NME7: variants seen among roughly 807,000 people sequenced by gnomAD.
NME7 encodes the protein nucleoside diphosphate kinase 7.
Under a neutral mutation model 49.1 loss-of-function variants are expected in NME7, and 41 were observed. The observed-to-expected ratio is 0.83, with a 90% CI of 0.65 to 1.08. NME7 has a LOEUF of 1.08. NME7 is among the 50% of genes least tolerant of loss of function. The pLI, the probability that NME7 is intolerant of heterozygous loss-of-function variation, is 0.00. For synonymous variants in NME7, 139 were observed against 150.6 expected, an observed-to-expected ratio of 0.92 and a Z score of 0.56; for missense variants, 423 against 463.4, an observed-to-expected ratio of 0.91 and a Z score of 0.80.
chr1:169,306,666 A>C (rs931831892), intron 4 of NME7, among the ~76,000 whole-genome samples: 2 of 152,166 alleles, frequency 1.3e-5, no homozygotes, highest in African/African-American at 4.8e-5. Flanking sequence ...TCTATAAGTA[A>C]GTGGTAGGTG....
chr1:169,271,377 G>A (rs1202850672), intron 7 of NME7, among the ~76,000 whole-genome samples: 1 of 133,592 alleles, frequency 7.5e-6, no homozygotes, highest in African/African-American at 2.5e-5. Flanking sequence ...CCCTTTCACA[G>A]TACTCCCTCT....
At chr1:169,215,907 T>G (rs377569637) in intron 10 of NME7, among the ~76,000 whole-genome samples, 66 of 152,248 alleles carry the variant, frequency 4.3e-4, no homozygotes, top group African/African-American at 1.5e-3. Context: ...GTCAAATTCA[T>G]AGAAATTGAG....
intron 10 of NME7, among the ~76,000 whole-genome samples, chr1:169,172,013 A>C (rs1659610948): frequency 6.6e-6 from 1 of 152,044 alleles, no homozygotes; most frequent in Non-Finnish European, 1.5e-5. Context: ...TAAAAGTATC[A>C]ACTGCCTTCT....
At chr1:169,342,095 T>C (rs1652728397) in intron 1 of NME7, among the ~76,000 whole-genome samples, 1 of 152,126 alleles carries the variant, frequency 6.6e-6, no homozygotes, top group Non-Finnish European at 1.5e-5. Context: ...AGGGGTGGAA[T>C]AATATGGTTT....
chr1:169,366,524 A>T (rs767259072), intron 1 of NME7, among the ~76,000 whole-genome samples: 16 of 152,210 alleles, frequency 1.1e-4, no homozygotes, highest in African/African-American at 1.7e-4. Context: ...ACTGGAGAGG[A>T]AAAGGCTGAA....
At chr1:169,167,403 A>C (rs1359648609) in intron 11 of NME7, among the ~76,000 whole-genome samples, 1 of 152,150 alleles carries the variant, frequency 6.6e-6, no homozygotes, top group Non-Finnish European at 1.5e-5. Context: ...TACTCATTAA[A>C]ATAAATGTGT....
chr1:169,342,311 T>C (rs999836837), intron 1 of NME7, among the ~76,000 whole-genome samples: 4 of 151,948 alleles, frequency 2.6e-5, no homozygotes, highest in East Asian at 3.9e-4. Context: ...GTGAAAAAGA[T>C]GCCTGCTTCC....
At chr1:169,148,040 T>C (rs1658809812) in intron 11 of NME7, among the ~76,000 whole-genome samples, 1 of 152,176 alleles carries the variant, frequency 6.6e-6, no homozygotes, top group South Asian at 2.1e-4. Context: ...TCTCGCTCTG[T>C]TGCCCAGGCT....
chr1:169,235,511 C>T (rs1647822200), intron 8 of NME7, among the ~76,000 whole-genome samples: 4 of 152,052 alleles, frequency 2.6e-5, no homozygotes, highest in Admixed American at 2.6e-4. Flanking sequence ...CATACAACTT[C>T]CTCAAACTGG....
rs58463903 is a variant in NME7, at chr1:169,135,014, C to CAAA, written c.1099-2200_1099-2198dup. Among the ~76,000 whole-genome samples the CAAA allele has an allele frequency of 9.8e-3, 495 of 50,362 alleles. 83 individuals are homozygous for CAAA. Among genetic ancestry groups the CAAA allele is most frequent in the African/African-American group, 0.021 (293 of 13,734 alleles). The allele number at this position is 50,362 out of a possible 152,430, so 33.0% of individuals were successfully genotyped here. On this transcript the variant is annotated intron_variant, in intron 11 of 11. Transcript: ENST00000367811. ...ACATAAGGAGATCCCCCCGTCTCTA[C>CAAA]AAAAAAAAAAAAAAAAAAAAAAAAA...
At chr1:169,203,815 T>G (rs1660609994) in intron 10 of NME7, among the ~76,000 whole-genome samples, 1 of 152,034 alleles carries the variant, frequency 6.6e-6, no homozygotes, top group African/African-American at 2.4e-5. Context: ...TATAATGAGA[T>G]GTGTCTGATC....
chr1:169,342,858 T>C (rs1652803524), intron 1 of NME7, among the ~76,000 whole-genome samples: 1 of 96,092 alleles, frequency 1.0e-5, no homozygotes, highest in African/African-American at 3.6e-5. Context: ...AGTATATATA[T>C]ATACAAGTAC....
At chr1:169,353,065 T>C (rs1251355563) in intron 1 of NME7, among the ~76,000 whole-genome samples, 1 of 151,592 alleles carries the variant, frequency 6.6e-6, no homozygotes, top group Non-Finnish European at 1.5e-5. Flanking sequence ...CTAAAATTTA[T>C]AAAAGACTCA....
chr1:169,202,345 C>T (rs1056994030), intron 10 of NME7, among the ~76,000 whole-genome samples: 1 of 152,162 alleles, frequency 6.6e-6, no homozygotes, highest in African/African-American at 2.4e-5. Context: ...TGGCACCCCC[C>T]TCCCCACCAC....
intron 10 of NME7, among the ~76,000 whole-genome samples, chr1:169,220,786 G>C (rs796383306): frequency 4.6e-5 from 7 of 152,178 alleles, no homozygotes; most frequent in African/African-American, 1.7e-4. Flanking sequence ...ATTTGCTAAA[G>C]TTAACAAAAT....
chr1:169,221,604 C>A (rs947401848), intron 10 of NME7, among the ~76,000 whole-genome samples: 1 of 151,826 alleles, frequency 6.6e-6, no homozygotes, highest in African/African-American at 2.4e-5. Flanking sequence ...TATATGCATA[C>A]AAATATATGG....
intron 10 of NME7, among the ~76,000 whole-genome samples, chr1:169,193,024 A>G (rs2101766115): frequency 6.6e-6 from 1 of 152,250 alleles, no homozygotes; most frequent in African/African-American, 2.4e-5. Context: ...TAAAAAGATC[A>G]TGCTTGGCCA....
intron 10 of NME7, among the ~76,000 whole-genome samples, chr1:169,212,052 A>AAAG (rs1660837845): frequency 6.6e-6 from 1 of 152,138 alleles, no homozygotes; most frequent in African/African-American, 2.4e-5. Context: ...ATTATTTAAC[A>AAAG]CCAAAGCAAA....
At chr1:169,168,801 C>T in intron 11 of NME7, 2 of 452,936 alleles carry the variant, frequency 4.4e-6, no homozygotes, top group Non-Finnish European at 8.8e-6. Context: ...ATGTTATGCA[C>T]TCATAATACA....
Sources: allele counts gnomAD v4.1 joint callset (sites outside exome capture counted in the v4.1 genomes callset), GRCh38; gene constraint gnomAD v4.1.1; transcripts MANE v1.5; gene names NCBI Gene and HGNC (gene_info 2026-07-23, HGNC 2026-07-21).